Variants in SLC9A1 observed in about 807,000 individuals in gnomAD.
SLC9A1 encodes the protein sodium/hydrogen exchanger 1.
Under a neutral mutation model 67.9 loss-of-function variants are expected in SLC9A1, and 22 were observed. The observed-to-expected ratio is 0.32, with a 90% CI of 0.23 to 0.46. The LOEUF is 0.46. Among genes scored for constraint, SLC9A1 ranks in the 20% least tolerant of loss-of-function variants. The pLI, the probability that SLC9A1 is intolerant of heterozygous loss-of-function variation, is 1.00. For synonymous variants in SLC9A1, 421 were observed against 471.8 expected (o/e 0.89, Z 1.40); for missense variants, 686 against 1,094.8 (o/e 0.63, Z 5.27).
intron 1 of SLC9A1, among the ~76,000 whole-genome samples, chr1:27,125,237 C>CTTTTTTTTTTTTTTTT (rs71010327): frequency 1.2e-5 from 1 of 86,870 alleles, no homozygotes; most frequent in East Asian, 4.0e-4. Context: ...CCTTTTCTTT[C>CTTTTTTTTTTTTTTTT]TTTTTTTTTT....
chr1:27,143,521 C>G (rs2083464572), intron 1 of SLC9A1, among the ~76,000 whole-genome samples: 1 of 152,174 alleles, frequency 6.6e-6, no homozygotes, highest in African/African-American at 2.4e-5. Context: ...TGCTTTGAAG[C>G]CAGGGCTCAA....
At chr1:27,152,500 T>C (rs547147140) in intron 1 of SLC9A1, among the ~76,000 whole-genome samples, 8 of 152,232 alleles carry the variant, frequency 5.3e-5, no homozygotes, top group Admixed American at 1.3e-4. Context: ...ACTCAATTGG[T>C]GTGGTCAAAT....
intron 1 of SLC9A1, among the ~76,000 whole-genome samples, chr1:27,143,046 T>TAAAA (rs55970751): frequency 1.0e-4 from 10 of 98,464 alleles, no homozygotes; most frequent in African/African-American, 2.8e-4. Flanking sequence ...ATCAACTGTG[T>TAAAA]AAAAAAAAAA....
chr1:27,132,415 C>A (rs186897087), intron 1 of SLC9A1, among the ~76,000 whole-genome samples: 46 of 152,178 alleles, frequency 3.0e-4, no homozygotes, highest in Non-Finnish European at 5.3e-4. Flanking sequence ...GACTATGTGA[C>A]CTCAAATGGC....
At chr1:27,111,278 G>A (rs911487607) in intron 2 of SLC9A1, among the ~76,000 whole-genome samples, 2 of 152,172 alleles carry the variant, frequency 1.3e-5, no homozygotes, top group Non-Finnish European at 2.9e-5. Flanking sequence ...AGTCGGCACA[G>A]AGGGGAAAGT....
At chr1:27,127,115 C>T (rs1347208008) in intron 1 of SLC9A1, among the ~76,000 whole-genome samples, 1 of 152,160 alleles carries the variant, frequency 6.6e-6, no homozygotes, top group Admixed American at 6.6e-5. Flanking sequence ...ATTCTCTCAC[C>T]TCAGCCCCCC....
intron 3 of SLC9A1, among the ~76,000 whole-genome samples, chr1:27,108,304 A>G (rs1302558374): frequency 2.7e-5 from 4 of 148,904 alleles, no homozygotes; most frequent in Non-Finnish European, 6.0e-5. Context: ...CTGACCTTGT[A>G]ATCCACCCGC....
chr1:27,125,252 T>TC (rs1476134439), intron 1 of SLC9A1, among the ~76,000 whole-genome samples: 3 of 139,100 alleles, frequency 2.2e-5, no homozygotes, highest in African/African-American at 8.0e-5. Context: ...TTTTTTTTTT[T>TC]TTTTTTTTTT....
chr1:27,107,018 G>A (rs1349964675), intron 4 of SLC9A1, among the ~76,000 whole-genome samples: 1 of 151,124 alleles, frequency 6.6e-6, no homozygotes, highest in South Asian at 2.1e-4. Context: ...AGTCCCTCCT[G>A]TCTAGCTGTG....
At position 27,153,973 on chromosome 1, in the gene SLC9A1, C is replaced by T. The variant is rs28457865; in HGVS notation, c.352+10G>A. 11 of 1,527,010 alleles carry T rather than the reference C, an allele frequency of 7.2e-6. No individual in the cohort carries two copies. In the East Asian group the frequency reaches 1.1e-4, roughly 16 times the overall value. The allele number at this position is 1,527,010 out of a possible 1,614,324, so 94.6% of individuals were successfully genotyped here. On this transcript the variant is annotated intron_variant, in intron 1 of 11. Coordinates refer to ENST00000263980, the MANE Select transcript of SLC9A1 (RefSeq NM_003047.5). ...GTGGCGGCCGCAGCATCGGAGCAAA[C>T]GGGACTTACCTATCTTCATGAGGCA...
Position 27,113,758 on chromosome 1 carries a change from G to A in SLC9A1, c.813+68C>T. On this transcript the variant is annotated intron_variant, in intron 2 of 11. Coordinates refer to ENST00000263980, the MANE Select transcript of SLC9A1 (RefSeq NM_003047.5). The stretch of plus-strand genomic sequence containing the variant: ...TACTGTTATTAGCGGGTGGATGAGG[G>A]ATTCACTGGTGGGCCTGGATTTGGG... The A allele has an allele frequency of 1.7e-6, 2 of 1,157,042 alleles. 1 individual carries two copies. The highest frequency in any genetic ancestry group is 2.8e-5 in the South Asian group (2 of 71,078). 71.7% of individuals were successfully genotyped at this position (1,157,042 alleles called of 1,614,324 possible).
At position 27,109,421 on chromosome 1, in the gene SLC9A1, A is replaced by T. The variant is rs978760154; in HGVS notation, c.1064+106T>A. ...AGTTCATGTCTCATCCCTGGAGCTC[A>T]AGGCTGGGCCCTGGGAGCTCCGTGA... On this transcript the variant is annotated intron_variant, in intron 3 of 11. Coordinates refer to ENST00000263980, the MANE Select transcript of SLC9A1 (RefSeq NM_003047.5). The surrounding 1 kb of genome is among the most constrained non-coding windows in gnomAD (Gnocchi z 5.5). 1 of 1,257,598 alleles carries T rather than the reference A, an allele frequency of 8.0e-7. No homozygotes were observed. Among genetic ancestry groups the T allele is most frequent in the Non-Finnish European group, 1.1e-6 (1 of 885,726 alleles). 77.9% of individuals were successfully genotyped at this position (1,257,598 alleles called of 1,614,324 possible).
chr1:27,127,505 C>T (rs1281183644), intron 1 of SLC9A1, among the ~76,000 whole-genome samples: 1 of 152,204 alleles, frequency 6.6e-6, no homozygotes, highest in Non-Finnish European at 1.5e-5. Context: ...CCCAGAACTA[C>T]TGACTCCCAA....
intron 1 of SLC9A1, among the ~76,000 whole-genome samples, chr1:27,115,733 C>CT (rs1286497439): frequency 2.0e-5 from 3 of 150,564 alleles, no homozygotes; most frequent in African/African-American, 4.9e-5. Context: ...TGAGCCCAGC[C>CT]TCAAAAAAAA....
chr1:27,150,108 T>A (rs2083516620), intron 1 of SLC9A1, among the ~76,000 whole-genome samples: 1 of 152,220 alleles, frequency 6.6e-6, no homozygotes, highest in African/African-American at 2.4e-5. Flanking sequence ...TTAGGCTATT[T>A]GTTCTTCTCT....
At chr1:27,126,033 T>A (rs914108930) in intron 1 of SLC9A1, among the ~76,000 whole-genome samples, 1 of 152,172 alleles carries the variant, frequency 6.6e-6, no homozygotes, top group Non-Finnish European at 1.5e-5. Flanking sequence ...AGCACAAACA[T>A]GCCCCCACCT....
intron 1 of SLC9A1, among the ~76,000 whole-genome samples, chr1:27,119,922 A>G (rs2083294142): frequency 6.6e-6 from 1 of 152,130 alleles, no homozygotes; most frequent in Admixed American, 6.5e-5. Flanking sequence ...CTAGTGGCCT[A>G]GTAAAGACTT....
chr1:27,103,671 C>A lies in SLC9A1; in HGVS notation c.1486-359G>T, dbSNP rs1182403559. On this transcript the variant is annotated intron_variant, in intron 5 of 11. Coordinates refer to ENST00000263980, the MANE Select transcript of SLC9A1 (RefSeq NM_003047.5). ...ACACACAGGGAAAACTACCTCTGCA[C>A]TGCCTCCCCACCAGGACTGTGAGGA... 1.3e-5 allele frequency: 4 copies of A among 306,252 alleles called. No homozygotes were observed. The East Asian group carries it at 2.7e-4, about 20-fold the overall frequency. 19.0% of individuals were successfully genotyped at this position (306,252 alleles called of 1,614,324 possible). A position where few individuals can be genotyped will look rare whatever the true frequency, so the allele number is the denominator to read the frequency against.
At chr1:27,147,423 G>A (rs1050276565) in intron 1 of SLC9A1, among the ~76,000 whole-genome samples, 20 of 151,954 alleles carry the variant, frequency 1.3e-4, no homozygotes, top group Admixed American at 3.9e-4. Context: ...ACCTGGAGGC[G>A]GAGGTTGCTG....
Sources: allele counts gnomAD v4.1 joint callset (sites outside exome capture counted in the v4.1 genomes callset), GRCh38; gene constraint gnomAD v4.1.1; non-coding constraint Gnocchi (gnomAD v3.1); transcripts MANE v1.5; gene names NCBI Gene and HGNC (gene_info 2026-07-23, HGNC 2026-07-21).